CELF2: variants seen among roughly 807,000 people sequenced by gnomAD.
CELF2 encodes the protein CUGBP Elav-like family member 2.
Under a neutral mutation model 62.6 loss-of-function variants are expected in CELF2, and 8 were observed. The observed-to-expected ratio is 0.13, with a 90% confidence interval of 0.07 to 0.23. The LOEUF is 0.23. CELF2 is among the 10% of genes least tolerant of loss of function. The probability of loss-of-function intolerance (pLI) is 1.00; values close to 1 mark genes in which losing one functional copy is unlikely to be tolerated. For synonymous variants in CELF2, 258 were observed against 250.0 expected, an observed-to-expected ratio of 1.03 and a Z score of -0.30; for missense variants, 333 against 671.0, an observed-to-expected ratio of 0.50 and a Z score of 5.56.
At chr10:10,691,162 C>A in the CELF2 span, among the ~76,000 whole-genome samples, 1 of 151,400 alleles carries the variant, frequency 6.6e-6, no homozygotes, top group Non-Finnish European at 1.5e-5. Flanking sequence ...CCCTCTCCCC[C>A]CACCCCACAA....
rs546804863 is a variant in CELF2 at position 11,211,302 on chromosome 10, A to G, written c.272-6123A>G. ...TCTTAAAACAAAAATTGCTTTGTCC[A>G]TATATTAGAGTCAAGGAATTTAAAG... On this transcript the variant is annotated intron_variant, in intron 2 of 12. Transcript: ENST00000633077. The surrounding 1 kb of genome is among the most constrained non-coding windows in gnomAD (Gnocchi z 4.8). Among the ~76,000 whole-genome samples, 39 of 152,374 alleles carry G rather than the reference A, an allele frequency of 2.6e-4. No homozygotes were observed. The South Asian group carries it at 7.5e-3, about 29-fold the overall frequency.
At chr10:10,529,993 T>G in the CELF2 span, among the ~76,000 whole-genome samples, 5 of 152,150 alleles carry the variant, frequency 3.3e-5, no homozygotes, top group Admixed American at 3.3e-4. Context: ...GATGCCCAGA[T>G]GGGAGATGAG....
the CELF2 span, among the ~76,000 whole-genome samples, chr10:10,608,538 A>G: frequency 4.2e-4 from 64 of 152,328 alleles, no homozygotes; most frequent in African/African-American, 1.5e-3. Flanking sequence ...AGATTATTTT[A>G]TCATCTTTAA....
intron 1 of CELF2, among the ~76,000 whole-genome samples, chr10:11,088,564 C>CGGTGTGCATACCCTGCTCACCT (rs55706560): frequency 6.6e-6 from 1 of 151,860 alleles, no homozygotes; most frequent in Admixed American, 6.6e-5. Flanking sequence ...CTAGCAGAGC[C>CGGTGTGCATACCCTGCTCACCT]GGATTTCTCA....
At chr10:11,132,753 C>G (rs1482252153) in intron 1 of CELF2, among the ~76,000 whole-genome samples, 3 of 152,194 alleles carry the variant, frequency 2.0e-5, no homozygotes, top group Non-Finnish European at 2.9e-5. Context: ...TACATAATCA[C>G]ACGTCCAAAG....
the CELF2 span, among the ~76,000 whole-genome samples, chr10:10,666,060 T>C: frequency 4.6e-5 from 7 of 152,228 alleles, no homozygotes; most frequent in African/African-American, 1.7e-4. Flanking sequence ...ATTGGCTCTG[T>C]TGCAGCCCTG....
chr10:10,769,275 T>G, the CELF2 span, among the ~76,000 whole-genome samples: 1 of 152,052 alleles, frequency 6.6e-6, no homozygotes, highest in Admixed American at 6.5e-5. Flanking sequence ...TCTTAAAGAA[T>G]GAGTAGAGAT....
rs2065527888 is a variant in CELF2 at position 11,223,539 on chromosome 10, A to G, written c.354+6032A>G. Among the ~76,000 whole-genome samples, 1 of 152,216 alleles carries G rather than the reference A, an allele frequency of 6.6e-6. No homozygotes were observed. On this transcript the variant is annotated intron_variant, in intron 3 of 12. Transcript: ENST00000633077. The surrounding 1 kb of genome is among the most constrained non-coding windows in gnomAD (Gnocchi z 5.1). ...ATCTGTGTTTTCAGATAATACTCAA[A>G]TCTCATACAAATAAAAGCCAAACAA...
At chr10:11,114,610 G>A (rs1175049257) in intron 1 of CELF2, among the ~76,000 whole-genome samples, 1 of 152,228 alleles carries the variant, frequency 6.6e-6, no homozygotes, top group Non-Finnish European at 1.5e-5. Flanking sequence ...TTTGTATGAG[G>A]TTGAGTGAGT....
intron 2 of CELF2, among the ~76,000 whole-genome samples, chr10:10,967,464 T>G (rs1170582207): frequency 6.6e-6 from 1 of 151,968 alleles, no homozygotes; most frequent in Non-Finnish European, 1.5e-5. Flanking sequence ...GAAGTAGGCA[T>G]CGAGAGGGAA....
chr10:11,112,295 G>A (rs1256583442), intron 1 of CELF2, among the ~76,000 whole-genome samples: 2 of 152,210 alleles, frequency 1.3e-5, no homozygotes, highest in Non-Finnish European at 2.9e-5. Context: ...ATCTCAGGAG[G>A]TAGAAAGCAC....
In CELF2 at chr10:11,296,085, C is replaced by CTG. The variant is rs1246188563; in HGVS notation, c.976+7536_976+7537dup. 1.3e-5 allele frequency among the ~76,000 whole-genome samples: 2 copies of CTG among 152,220 alleles called. No individual in the cohort carries two copies. The highest frequency in any genetic ancestry group is 4.8e-5 in the African/African-American group (2 of 41,448). Reference sequence around the variant, plus strand: ...TGGGATTTATGCAAGTAGATTCCACCTGTGCCCTGAGCTCTCCTTGGCGGG... The same window carrying CTG: ...TGGGATTTATGCAAGTAGATTCCACCTGTGTGCCCTGAGCTCTCCTTGGCGGG... On this transcript the variant is annotated intron_variant, in intron 9 of 12. Coordinates refer to ENST00000633077, the MANE Select transcript of CELF2 (RefSeq NM_001326342.2). This position sits in a 1 kb window ranked among gnomAD's most constrained non-coding sequence, Gnocchi z 5.0.
At chr10:10,598,608 G>A in the CELF2 span, among the ~76,000 whole-genome samples, 1 of 152,010 alleles carries the variant, frequency 6.6e-6, no homozygotes, top group Non-Finnish European at 1.5e-5. Context: ...TATCTGTGCA[G>A]GTTATTGTGT....
the CELF2 span, among the ~76,000 whole-genome samples, chr10:10,704,617 G>A: frequency 1.3e-5 from 2 of 152,134 alleles, no homozygotes; most frequent in African/African-American, 4.8e-5. Context: ...CCTGGCAGTG[G>A]AGTGGAGTCT....
chr10:11,164,565 C>G (rs1339661882), intron 1 of CELF2, among the ~76,000 whole-genome samples: 2 of 151,982 alleles, frequency 1.3e-5, no homozygotes, highest in African/African-American at 4.8e-5. Context: ...AACTCAAGTG[C>G]AACATCTGGA....
the CELF2 span, among the ~76,000 whole-genome samples, chr10:10,570,733 C>T: frequency 6.6e-6 from 1 of 151,884 alleles, no homozygotes; most frequent in Non-Finnish European, 1.5e-5. Flanking sequence ...AGAAATTTAC[C>T]TGGAACATTG....
At chr10:10,609,200 C>T in the CELF2 span, among the ~76,000 whole-genome samples, 1 of 152,144 alleles carries the variant, frequency 6.6e-6, no homozygotes, top group African/African-American at 2.4e-5. Context: ...ATATGTTAGC[C>T]AAGGCCACAT....
intron 1 of CELF2, among the ~76,000 whole-genome samples, chr10:10,807,338 A>C (rs2055337835): frequency 6.6e-6 from 1 of 152,212 alleles, no homozygotes; most frequent in Non-Finnish European, 1.5e-5. Context: ...AGTTCTTCCA[A>C]GAGGGATTTG....
At chr10:10,716,300 C>T in the CELF2 span, among the ~76,000 whole-genome samples, 1 of 152,210 alleles carries the variant, frequency 6.6e-6, no homozygotes, top group South Asian at 2.1e-4. Context: ...AATCCCAATA[C>T]TTTGGGAGGC....
Sources: gnomAD v4.1 joint callset for allele counts (sites outside exome capture counted in the v4.1 genomes callset) on GRCh38, gnomAD v4.1.1 for gene constraint, Gnocchi (gnomAD v3.1) non-coding constraint, MANE v1.5 for transcripts, NCBI Gene and HGNC (gene_info 2026-07-23, HGNC 2026-07-21) for gene names.